Variants in CRYZ observed in about 807,000 individuals in gnomAD.
The protein encoded by CRYZ is zeta-crystallin.
Under a neutral mutation model 34.1 loss-of-function variants are expected in CRYZ, and 35 were observed. The observed-to-expected ratio is 1.03, with a 90% CI of 0.78 to 1.36. The LOEUF (loss-of-function observed/expected upper bound fraction) is 1.36. Ranked by LOEUF, CRYZ falls within the 40% of genes most tolerant of loss-of-function variation. The probability of loss-of-function intolerance (pLI) is 0.00; values close to 1 mark genes in which losing one functional copy is unlikely to be tolerated. For synonymous variants in CRYZ, 137 were observed against 136.5 expected, an observed-to-expected ratio of 1.00 and a Z score of -0.03; for missense variants, 403 against 391.8, an observed-to-expected ratio of 1.03 and a Z score of -0.24.
At chr1:74,706,494 A>G in intron 8 of CRYZ, 37 bp from the exon 9 acceptor site, 1 of 1,553,092 alleles carries the variant, frequency 6.4e-7, no homozygotes, top group Non-Finnish European at 8.7e-7. Context: ...TTTGTAGTGA[A>G]CCGTATGATT....
At position 74,708,883 on chromosome 1, in the gene CRYZ, C is replaced by T. The variant is rs151182066; in HGVS notation, c.630+1215G>A. 86 of 151,994 alleles carry T rather than the reference C, an allele frequency of 5.7e-4. No individual in the cohort carries two copies. In the East Asian group the frequency reaches 9.7e-3, roughly 17 times the overall value. 9.4% of individuals were successfully genotyped at this position (151,994 alleles called of 1,614,324 possible). On this transcript the variant is annotated intron_variant, in intron 6 of 8. Coordinates refer to ENST00000340866, the MANE Select transcript of CRYZ (RefSeq NM_001889.4). ...TTAATATTAAATAATATGAAGAGGG[C>T]GGAGATTGAAAGTGAAAAGTCAGGA...
rs553890278 is a variant in CRYZ at position 74,711,332 on chromosome 1, AG to A, written c.481-1086del. 9.8e-5 allele frequency among the ~76,000 whole-genome samples: 15 copies of A among 152,318 alleles called. No homozygotes were observed. The East Asian group carries it at 2.9e-3, about 29-fold the overall frequency. ...CATGTGAGGCACAAAGAAAGCGGTG[AG>A]GAAAATGGGAGGAGGAAGATCAGTT... On this transcript the variant is annotated intron_variant, in intron 5 of 8. Transcript: ENST00000340866.
chr1:74,721,806 C>T (rs990372043), intron 3 of CRYZ, among the ~76,000 whole-genome samples: 1 of 152,160 alleles, frequency 6.6e-6, no homozygotes, highest in Non-Finnish European at 1.5e-5. Context: ...GGAGGTTGAT[C>T]ATGTGAGTCT....
intron 4 of CRYZ, among the ~76,000 whole-genome samples, chr1:74,716,396 C>T (rs1185916436): frequency 6.6e-6 from 1 of 152,142 alleles, no homozygotes; most frequent in Non-Finnish European, 1.5e-5. Context: ...GTGCTCATAA[C>T]ACTCAGCCTG....
In CRYZ at chr1:74,708,951, A is replaced by G. The variant is rs970238437; in HGVS notation, c.630+1147T>C. 3 of 152,326 alleles carry G rather than the reference A, an allele frequency of 2.0e-5. No individual in the cohort carries two copies. In the East Asian group the frequency reaches 5.8e-4, roughly 29 times the overall value. The allele number at this position is 152,326 out of a possible 1,614,324, so 9.4% of individuals were successfully genotyped here. ...GTTTCAAAGAAATGTGGTCAGGGTC[A>G]TATGCTCCTGAAAAATCAAACAAGA... On this transcript the variant is annotated intron_variant, in intron 6 of 8. Transcript: ENST00000340866.
Position 74,724,581 on chromosome 1 carries a change from T to C in CRYZ, c.111+130A>G, listed in dbSNP as rs1485267761. The C allele has an allele frequency of 8.2e-6, 5 of 606,176 alleles. No individual in the cohort carries two copies. The African/African-American group carries it at 9.4e-5, about 11-fold the overall frequency. 37.5% of individuals were successfully genotyped at this position (606,176 alleles called of 1,614,324 possible). ...TTAACTTTATCAATGTCCATATGTATACATAGTGTAAACTGCATCCTAATT... is the reference window on the plus strand; with the variant it reads ...TTAACTTTATCAATGTCCATATGTACACATAGTGTAAACTGCATCCTAATT... On this transcript the variant is annotated intron_variant, in intron 2 of 8. Coordinates refer to ENST00000340866, the MANE Select transcript of CRYZ (RefSeq NM_001889.4).
intron 7 of CRYZ, 48 bp downstream of exon 7, chr1:74,707,055 G>A (rs775826655): frequency 2.9e-5 from 45 of 1,539,524 alleles, no homozygotes; most frequent in South Asian, 4.7e-5. Flanking sequence ...TTAAATTGTG[G>A]TAAAACATTA....
chr1:74,727,458 CAAAAAAAA>C (rs3041452), intron 1 of CRYZ, among the ~76,000 whole-genome samples: 16 of 71,874 alleles, frequency 2.2e-4, no homozygotes, highest in South Asian at 1.2e-3. Context: ...CTAAAAAATA[CAAAAAAAA>C]AAAAAAAAAA....
chr1:74,731,971 C>A (rs1173171347), intron 1 of CRYZ, among the ~76,000 whole-genome samples: 1 of 152,212 alleles, frequency 6.6e-6, no homozygotes, highest in Non-Finnish European at 1.5e-5. Context: ...TCAAAGACTG[C>A]AATCCTGATG....
intron 4 of CRYZ, among the ~76,000 whole-genome samples, chr1:74,715,804 T>G (rs933815731): frequency 6.6e-6 from 1 of 152,020 alleles, no homozygotes; most frequent in Admixed American, 6.6e-5. Flanking sequence ...AATCCCCTCC[T>G]GAATCCTTGC....
At chr1:74,726,096 C>G (rs1409181092) in intron 1 of CRYZ, among the ~76,000 whole-genome samples, 1 of 152,182 alleles carries the variant, frequency 6.6e-6, no homozygotes, top group African/African-American at 2.4e-5. Flanking sequence ...ACAGTGTAAG[C>G]TATCAGTGGA....
intron 4 of CRYZ, among the ~76,000 whole-genome samples, chr1:74,716,197 C>T (rs28671241): frequency 0.61 from 92,060 of 150,542 alleles, 28,343 homozygotes; most frequent in East Asian, 0.78. Flanking sequence ...TCTGTGTGCG[C>T]GTGTGTGTGT....
chr1:74,731,583 C>T (rs187704903), intron 1 of CRYZ, among the ~76,000 whole-genome samples: 264 of 152,144 alleles, frequency 1.7e-3, no homozygotes, highest in African/African-American at 5.9e-3. Flanking sequence ...TGAGATAGGA[C>T]GGGGTAAGAA....
intron 6 of CRYZ, 73 bp from the exon 7 acceptor site, chr1:74,707,277 A>G: frequency 1.2e-6 from 1 of 800,290 alleles, no homozygotes; most frequent in Non-Finnish European, 2.1e-6. Flanking sequence ...TCTGTACAAG[A>G]TATTATAGAA....
At chr1:74,729,162 G>A (rs1349160378) in intron 1 of CRYZ, among the ~76,000 whole-genome samples, 2 of 150,878 alleles carry the variant, frequency 1.3e-5, no homozygotes, top group Admixed American at 1.3e-4. Context: ...ATGACGTTAC[G>A]GAAAGAGCAG....
chr1:74,712,558 G>A (rs1647019724), intron 5 of CRYZ, among the ~76,000 whole-genome samples: 1 of 152,172 alleles, frequency 6.6e-6, no homozygotes, highest in South Asian at 2.1e-4. Flanking sequence ...ATGGCACATG[G>A]GAATAACGAG....
chr1:74,729,711 A>G (rs1328495378), intron 1 of CRYZ, among the ~76,000 whole-genome samples: 1 of 152,008 alleles, frequency 6.6e-6, no homozygotes, highest in Non-Finnish European at 1.5e-5. Flanking sequence ...AATATACTCT[A>G]TAGTTCTATA....
chr1:74,710,790 T>C (rs1354863230), intron 5 of CRYZ, among the ~76,000 whole-genome samples: 1 of 152,254 alleles, frequency 6.6e-6, no homozygotes, highest in African/African-American at 2.4e-5. Flanking sequence ...ATAGAGTGTT[T>C]ACGATGTGCT....
intron 3 of CRYZ, among the ~76,000 whole-genome samples, chr1:74,722,493 T>A (rs1340605838): frequency 6.6e-6 from 1 of 152,100 alleles, no homozygotes; most frequent in Non-Finnish European, 1.5e-5. Context: ...ATCTTCTCTG[T>A]CTCAACCTAA....
Sources: allele counts gnomAD v4.1 joint callset (sites outside exome capture counted in the v4.1 genomes callset), GRCh38; gene constraint gnomAD v4.1.1; transcripts MANE v1.5; gene names NCBI Gene and HGNC (gene_info 2026-07-23, HGNC 2026-07-21).